TFF3: variants seen among roughly 807,000 people sequenced by gnomAD.
TFF3 encodes the protein polypeptide P1.B.
Under a neutral mutation model 9.7 loss-of-function variants are expected in TFF3, and 6 were observed. The ratio of observed to expected loss-of-function variants is 0.62; its 90% confidence interval spans 0.34 to 1.22. The LOEUF is 1.22. TFF3 is among the 50% of genes most tolerant of loss of function. The pLI, the probability that TFF3 is intolerant of heterozygous loss-of-function variation, is 0.04. For synonymous variants in TFF3, 48 were observed against 41.4 expected, an observed-to-expected ratio of 1.16 and a Z score of -0.61; for missense variants, 93 against 98.6, an observed-to-expected ratio of 0.94 and a Z score of 0.24.
In TFF3 at chr21:42,313,089, G is replaced by A. The variant is rs925959862; in HGVS notation, c.229+396C>T. On this transcript the variant is annotated intron_variant, in intron 2 of 2. Transcript: ENST00000518498. The surrounding 1 kb of genome is among the most constrained non-coding windows in gnomAD (Gnocchi z 4.0). ...AGGCCTGACGTCTAGGGCTGGGACCGCCTGCCGTCTGTGTAGGGGATGCCA... is the reference window on the plus strand; with the variant it reads ...AGGCCTGACGTCTAGGGCTGGGACCACCTGCCGTCTGTGTAGGGGATGCCA... Among the ~76,000 whole-genome samples the A allele has an allele frequency of 2.6e-5, 4 of 152,098 alleles. No individual in the cohort carries two copies. The highest frequency in any genetic ancestry group is 2.1e-4 in the South Asian group (1 of 4,828).
chr21:42,312,181 T>G lies in TFF3; in HGVS notation c.*75A>C. ...GGGACAGAAAAGCTGAGATGAACAG[T>G]GCCTGGCAGCAATCACAGCCGGGCA... On this transcript the variant is annotated 3_prime_UTR_variant, in exon 3 of 3. Coordinates refer to ENST00000518498, the MANE Select transcript of TFF3 (RefSeq NM_003226.4). 6.3e-7 allele frequency: 1 copy of G among 1,599,550 alleles called. No individual in the cohort carries two copies. Among genetic ancestry groups the G allele is most frequent in the Non-Finnish European group, 8.6e-7 (1 of 1,166,944 alleles).
At position 42,313,711 on chromosome 21, in the gene TFF3, G is replaced by T; in HGVS notation, c.83-80C>A. 1 of 1,476,820 alleles carries T rather than the reference G, an allele frequency of 6.8e-7. No homozygotes were observed. Among genetic ancestry groups the T allele is most frequent in the Non-Finnish European group, 9.1e-7 (1 of 1,103,484 alleles). The allele number at this position is 1,476,820 out of a possible 1,614,324, so 91.5% of individuals were successfully genotyped here. A position where few individuals can be genotyped will look rare whatever the true frequency, so the allele number is the denominator to read the frequency against. On this transcript the variant is annotated intron_variant, in intron 1 of 2. Coordinates refer to ENST00000518498, the MANE Select transcript of TFF3 (RefSeq NM_003226.4). This position sits in a 1 kb window ranked among gnomAD's most constrained non-coding sequence, Gnocchi z 4.0. ...TGTGTTTGCTTCACTTTGCAAGTTT[G>T]CATCCTCCCGCTCCGCCCCACCCCG...
chr21:42,314,384 T>G (rs1001453948), intron 1 of TFF3, among the ~76,000 whole-genome samples: 2 of 152,224 alleles, frequency 1.3e-5, no homozygotes, highest in Admixed American at 6.5e-5. Flanking sequence ...CTGGGCATGG[T>G]GGCTTACACC....
rs1278114530 is a variant in TFF3, at chr21:42,313,114, A to G, written c.229+371T>C. The stretch of plus-strand genomic sequence containing the variant: ...GCCTGCCGTCTGTGTAGGGGATGCC[A>G]CAAATGACAAGACTCTGGGGGGCCG... On this transcript the variant is annotated intron_variant, in intron 2 of 2. Transcript: ENST00000518498. The surrounding 1 kb of genome is among the most constrained non-coding windows in gnomAD (Gnocchi z 4.0). 6.6e-6 allele frequency among the ~76,000 whole-genome samples: 1 copy of G among 152,136 alleles called. No homozygotes were observed. The highest frequency in any genetic ancestry group is 1.5e-5 in the Non-Finnish European group (1 of 68,012).
rs1240869628 is a variant in TFF3 at position 42,313,264 on chromosome 21, C to A, written c.229+221G>T. ...CATCATTTTGAACACCTTTTTGAAA[C>A]AATTGCTTTTATGTTTTACATAAAG... On this transcript the variant is annotated intron_variant, in intron 2 of 2. Coordinates refer to ENST00000518498, the MANE Select transcript of TFF3 (RefSeq NM_003226.4). The surrounding 1 kb of genome is among the most constrained non-coding windows in gnomAD (Gnocchi z 4.0). 6.6e-6 allele frequency among the ~76,000 whole-genome samples: 1 copy of A among 152,130 alleles called. No individual in the cohort carries two copies. The highest frequency in any genetic ancestry group is 1.5e-5 in the Non-Finnish European group (1 of 68,008).
intron 2 of TFF3, 111 bp from the exon 3 acceptor site, chr21:42,312,380 G>A: frequency 7.5e-7 from 1 of 1,327,660 alleles, no homozygotes; most frequent in Non-Finnish European, 1.0e-6. Flanking sequence ...CTCCTCCCCA[G>A]AGTCACCGGG....
chr21:42,313,679 C>T lies in TFF3; in HGVS notation c.83-48G>A, dbSNP rs759738422. ...AGCTGCCAGAGCCCTTGCTGGGCTG[C>T]GGTGAGTGTGTTTGCTTCACTTTGC... On this transcript the variant is annotated intron_variant, in intron 1 of 2. Transcript: ENST00000518498. The surrounding 1 kb of genome is among the most constrained non-coding windows in gnomAD (Gnocchi z 4.0). 1.9e-5 allele frequency: 30 copies of T among 1,563,122 alleles called. No individual in the cohort carries two copies. Among genetic ancestry groups the T allele is most frequent in the East Asian group, 1.7e-4 (7 of 41,958 alleles).
At chr21:42,312,858 C>A (rs577606412) in intron 2 of TFF3, among the ~76,000 whole-genome samples, 1 of 152,156 alleles carries the variant, frequency 6.6e-6, no homozygotes, top group South Asian at 2.1e-4. Context: ...GCCCCACCCA[C>A]GATGTGGGGC....
Position 42,313,460 on chromosome 21 carries a change from G to T in TFF3, c.229+25C>A. The stretch of plus-strand genomic sequence containing the variant: ...CCCCTGCCTTATGGGGCTGGGCCCA[G>T]ACCACGATGCCACTGGGGCCTTACC... On this transcript the variant is annotated intron_variant, in intron 2 of 2. Coordinates refer to ENST00000518498, the MANE Select transcript of TFF3 (RefSeq NM_003226.4). This position sits in a 1 kb window ranked among gnomAD's most constrained non-coding sequence, Gnocchi z 4.0. 2 of 1,595,636 alleles carry T rather than the reference G, an allele frequency of 1.3e-6. No homozygotes were observed. The highest frequency in any genetic ancestry group is 1.1e-5 in the South Asian group (1 of 89,152).
At chr21:42,312,717 G>T (rs931172949) in intron 2 of TFF3, among the ~76,000 whole-genome samples, 1 of 152,144 alleles carries the variant, frequency 6.6e-6, no homozygotes, top group Non-Finnish European at 1.5e-5. Flanking sequence ...TCAGCCTCCC[G>T]CATTTCACCC....
In TFF3 at chr21:42,312,112, G is replaced by T; in HGVS notation, c.*144C>A. 9.2e-7 allele frequency: 1 copy of T among 1,091,944 alleles called. No homozygotes were observed. The highest frequency in any genetic ancestry group is 1.2e-5 in the South Asian group (1 of 80,084). The allele number at this position is 1,091,944 out of a possible 1,614,324, so 67.6% of individuals were successfully genotyped here. ...GGACCTTTATTCGTTAAGACATCAG[G>T]CTCCAGATATGAACTTTCAGCAGAA... On this transcript the variant is annotated 3_prime_UTR_variant, in exon 3 of 3. Transcript: ENST00000518498.
chr21:42,312,085 TG>T lies in TFF3; in HGVS notation c.*170del. 1.2e-6 allele frequency: 1 copy of T among 867,820 alleles called. No individual in the cohort carries two copies. The highest frequency in any genetic ancestry group is 1.9e-6 in the Non-Finnish European group (1 of 512,916). 53.8% of individuals were successfully genotyped at this position (867,820 alleles called of 1,614,324 possible). The stretch of plus-strand genomic sequence containing the variant: ...CGAAGAACTGTCCTCGGGTGGAGCA[TG>T]GGACCTTTATTCGTTAAGACATCAG... On this transcript the variant is annotated 3_prime_UTR_variant, in exon 3 of 3. Coordinates refer to ENST00000518498, the MANE Select transcript of TFF3 (RefSeq NM_003226.4).
Position 42,312,284 on chromosome 21 carries a change from A to G in TFF3, c.230-15T>C. 1 of 1,596,394 alleles carries G rather than the reference A, an allele frequency of 6.3e-7. No homozygotes were observed. The highest frequency in any genetic ancestry group is 8.5e-7 in the Non-Finnish European group (1 of 1,170,950). On this transcript the variant is annotated splice_polypyrimidine_tract_variant and intron_variant, in intron 2 of 2. Coordinates refer to ENST00000518498, the MANE Select transcript of TFF3 (RefSeq NM_003226.4). Reference sequence around the variant, plus strand: ...GAAGGTGCATTCTGCAAACAGAGCAAAGGCTTGTGTGAGCAGTCTCTCTCC... The same window carrying G: ...GAAGGTGCATTCTGCAAACAGAGCAGAGGCTTGTGTGAGCAGTCTCTCTCC...
chr21:42,314,046 C>T (rs2069345533), intron 1 of TFF3, among the ~76,000 whole-genome samples: 1 of 152,196 alleles, frequency 6.6e-6, no homozygotes, highest in Non-Finnish European at 1.5e-5. Flanking sequence ...GAGGCACACG[C>T]CATAGAGATC....
rs1408396540 is a variant in TFF3, at chr21:42,313,107, G to C, written c.229+378C>G. Among the ~76,000 whole-genome samples, 2 of 152,118 alleles carry C rather than the reference G, an allele frequency of 1.3e-5. No homozygotes were observed. The highest frequency in any genetic ancestry group is 2.9e-5 in the Non-Finnish European group (2 of 68,006). On this transcript the variant is annotated intron_variant, in intron 2 of 2. Transcript: ENST00000518498. This position sits in a 1 kb window ranked among gnomAD's most constrained non-coding sequence, Gnocchi z 4.0. ...TGGGACCGCCTGCCGTCTGTGTAGG[G>C]GATGCCACAAATGACAAGACTCTGG...
In TFF3 at chr21:42,311,992, CCT is replaced by C. The variant is rs2069333127; in HGVS notation, c.*262_*263del. On this transcript the variant is annotated 3_prime_UTR_variant, in exon 3 of 3. Transcript: ENST00000518498. Reference sequence around the variant, plus strand: ...CCCTTGAGGCCTGGGCAGACTCTCCCCTGACACCCTCCCGCCCTCTCCCACGA... The same window carrying C: ...CCCTTGAGGCCTGGGCAGACTCTCCCGACACCCTCCCGCCCTCTCCCACGA... 1 of 670,924 alleles carries C rather than the reference CCT, an allele frequency of 1.5e-6. No individual in the cohort carries two copies. Among genetic ancestry groups the C allele is most frequent in the East Asian group, 2.7e-5 (1 of 36,502 alleles). 41.6% of individuals were successfully genotyped at this position (670,924 alleles called of 1,614,324 possible).
rs1376051096 is a variant in TFF3, at chr21:42,313,108, G to A, written c.229+377C>T. Among the ~76,000 whole-genome samples the A allele has an allele frequency of 6.6e-6, 1 of 152,142 alleles. No individual in the cohort carries two copies. Among genetic ancestry groups the A allele is most frequent in the African/African-American group, 2.4e-5 (1 of 41,426 alleles). The stretch of plus-strand genomic sequence containing the variant: ...GGGACCGCCTGCCGTCTGTGTAGGG[G>A]ATGCCACAAATGACAAGACTCTGGG... On this transcript the variant is annotated intron_variant, in intron 2 of 2. Transcript: ENST00000518498. This position sits in a 1 kb window ranked among gnomAD's most constrained non-coding sequence, Gnocchi z 4.0.
At position 42,313,234 on chromosome 21, in the gene TFF3, G is replaced by A. The variant is rs956105672; in HGVS notation, c.229+251C>T. On this transcript the variant is annotated intron_variant, in intron 2 of 2. Coordinates refer to ENST00000518498, the MANE Select transcript of TFF3 (RefSeq NM_003226.4). This position sits in a 1 kb window ranked among gnomAD's most constrained non-coding sequence, Gnocchi z 4.0. ...GTTACTAAATCAGTTCCCTCTATGC[G>A]ATGCCATCATTTTGAACACCTTTTT... 3.3e-5 allele frequency among the ~76,000 whole-genome samples: 5 copies of A among 152,286 alleles called. No homozygotes were observed. The highest frequency in any genetic ancestry group is 6.5e-5 in the Admixed American group (1 of 15,304).
In TFF3 at chr21:42,313,621, C is replaced by T. The variant is rs754587692; in HGVS notation, c.93G>A (p.Gln31=). Residue 31 remains glutamine, a synonymous_variant, in exon 2 of 3, where the codon CAG becomes CAA. Transcript: ENST00000518498. The surrounding 1 kb of genome is among the most constrained non-coding windows in gnomAD (Gnocchi z 4.0). ...AEEYVGLSAN[Q]CAVPAKDRVD... is the part of the protein sequence containing the mutation. ...CCCTGTCCTTGGCTGGCACGGCACA[C>T]TGGTTTGCAGCTGTCCCAGACAAAG... 4 of 1,609,798 alleles carry T rather than the reference C, an allele frequency of 2.5e-6. No homozygotes were observed. The African/African-American group carries it at 5.3e-5, about 22-fold the overall frequency.
Sources: allele counts gnomAD v4.1 joint callset (sites outside exome capture counted in the v4.1 genomes callset), GRCh38; gene constraint gnomAD v4.1.1; non-coding constraint Gnocchi (gnomAD v3.1); transcripts MANE v1.5; gene names NCBI Gene and HGNC (gene_info 2026-07-23, HGNC 2026-07-21).